The following RASGEF1C variants were observed in gnomAD, a reference collection of about 807,000 sequenced individuals.
RASGEF1C encodes ras-GEF domain-containing family member 1C.
Under a neutral mutation model 58.1 loss-of-function variants are expected in RASGEF1C, and 27 were observed. The observed-to-expected ratio is 0.46, with a 90% CI of 0.34 to 0.64. The LOEUF is 0.64. Among genes scored for constraint, RASGEF1C ranks in the 30% least tolerant of loss-of-function variants. RASGEF1C has a pLI of 0.01. For missense variants in RASGEF1C, 502 were observed against 605.1 expected (o/e 0.83, Z 1.79); for synonymous variants, 243 against 246.3 (o/e 0.99, Z 0.13).
intron 1 of RASGEF1C, among the ~76,000 whole-genome samples, chr5:180,140,276 T>C (rs1227651068): frequency 2.0e-5 from 3 of 152,198 alleles, no homozygotes; most frequent in African/African-American, 7.2e-5. Flanking sequence ...ACCCATCGTA[T>C]CACCAGCTGG....
chr5:180,149,701 G>T (rs568965932), intron 1 of RASGEF1C, among the ~76,000 whole-genome samples: 1 of 151,758 alleles, frequency 6.6e-6, no homozygotes, highest in African/African-American at 2.4e-5. Context: ...CGATCCACCC[G>T]CCTCGGCCTC....
At chr5:180,140,988 C>T (rs1194709515) in intron 1 of RASGEF1C, among the ~76,000 whole-genome samples, 5 of 152,198 alleles carry the variant, frequency 3.3e-5, no homozygotes, top group African/African-American at 7.2e-5. Flanking sequence ...CAGAGCATCA[C>T]GTTCCTTGTG....
At position 180,198,344 on chromosome 5, in the gene RASGEF1C, C is replaced by T. The variant is rs1465035452; in HGVS notation, c.-7+10684G>A. ...GGACGCCTGCCTTGGCCAGCTCTGG[C>T]GTTGAGAGCCCCATCTGGTGTCTGA... On this transcript the variant is annotated intron_variant, in intron 1 of 13. Coordinates refer to ENST00000361132, the MANE Select transcript of RASGEF1C (RefSeq NM_175062.4). This position sits in a 1 kb window ranked among gnomAD's most constrained non-coding sequence, Gnocchi z 4.5. 6.6e-6 allele frequency among the ~76,000 whole-genome samples: 1 copy of T among 152,196 alleles called. No homozygotes were observed. The highest frequency in any genetic ancestry group is 1.5e-5 in the Non-Finnish European group (1 of 68,036).
At chr5:180,175,845 G>A (rs1032676719) in intron 1 of RASGEF1C, among the ~76,000 whole-genome samples, 3 of 152,274 alleles carry the variant, frequency 2.0e-5, no homozygotes, top group Non-Finnish European at 2.9e-5. Flanking sequence ...AAAATTAGCC[G>A]GGCGCAGTGG....
chr5:180,188,616 G>C (rs1197796638), intron 1 of RASGEF1C, among the ~76,000 whole-genome samples: 2 of 152,090 alleles, frequency 1.3e-5, no homozygotes, highest in Non-Finnish European at 2.9e-5. Flanking sequence ...AGTGAAAATT[G>C]GAATACTTTC....
At chr5:180,136,302 G>C in intron 4 of RASGEF1C, 76 bp downstream of exon 4, 1 of 1,406,672 alleles carries the variant, frequency 7.1e-7, no homozygotes. Context: ...GAGGGCCCTG[G>C]GGTGCGGGCC....
At chr5:180,167,774 G>A (rs75750251) in intron 1 of RASGEF1C, among the ~76,000 whole-genome samples, 5,001 of 152,272 alleles carry the variant, frequency 0.033, 125 homozygotes, top group South Asian at 0.1. Context: ...TTCTTCACAG[G>A]TTAAGTAATT....
intron 6 of RASGEF1C, among the ~76,000 whole-genome samples, chr5:180,126,255 A>AC (rs1257871230): frequency 6.6e-6 from 1 of 152,048 alleles, no homozygotes; most frequent in Non-Finnish European, 1.5e-5. Flanking sequence ...AAAATACAAA[A>AC]AATTAGCCGG....
chr5:180,195,605 A>C (rs1189469018), intron 1 of RASGEF1C, among the ~76,000 whole-genome samples: 2 of 151,482 alleles, frequency 1.3e-5, no homozygotes, highest in Non-Finnish European at 2.9e-5. Context: ...CTAAAAATAC[A>C]AAAAAAATTA....
At chr5:180,166,090 C>T (rs891661394) in intron 1 of RASGEF1C, among the ~76,000 whole-genome samples, 1 of 152,016 alleles carries the variant, frequency 6.6e-6, no homozygotes, top group African/African-American at 2.4e-5. Flanking sequence ...ATGGTTTGCA[C>T]TAGAGATTAC....
chr5:180,190,314 C>T (rs376571573), intron 1 of RASGEF1C, among the ~76,000 whole-genome samples: 18 of 151,842 alleles, frequency 1.2e-4, no homozygotes, highest in African/African-American at 3.1e-4. Flanking sequence ...GGTGAAACCC[C>T]GTCTCTACTA....
intron 1 of RASGEF1C, among the ~76,000 whole-genome samples, chr5:180,187,738 T>C (rs1756065612): frequency 6.6e-6 from 1 of 152,084 alleles, no homozygotes. Context: ...CCAAGAAGAA[T>C]ATAAAAAGAT....
At chr5:180,159,209 G>A (rs1300062315) in intron 1 of RASGEF1C, among the ~76,000 whole-genome samples, 2 of 150,460 alleles carry the variant, frequency 1.3e-5, no homozygotes, top group South Asian at 2.1e-4. Flanking sequence ...GCGCGATCTC[G>A]GCTCACTGCA....
chr5:180,173,780 G>GCAC (rs1491191215), intron 1 of RASGEF1C, among the ~76,000 whole-genome samples: 1 of 152,116 alleles, frequency 6.6e-6, no homozygotes, highest in Admixed American at 6.5e-5. Flanking sequence ...GGGCGTGGTG[G>GCAC]TGGGCGCCTG....
At chr5:180,167,288 ATAAT>A (rs1311335084) in intron 1 of RASGEF1C, among the ~76,000 whole-genome samples, 3 of 152,066 alleles carry the variant, frequency 2.0e-5, no homozygotes, top group Non-Finnish European at 4.4e-5. Flanking sequence ...TTCAGATTGG[ATAAT>A]TTCTGTGGAA....
At position 180,119,408 on chromosome 5, in the gene RASGEF1C, A is replaced by C; in HGVS notation, c.845T>G (p.Phe282Cys). ...GAAGCACTCGCGGGCCACGTCGATG[A>C]AGAACTCAATCACCTGGGCCCTCTG... ...KKQRAQVIEF[F>C]IDVARECFNI... Residue 282 changes from phenylalanine (F) to cysteine (C), a missense_variant, in exon 8 of 14, where the codon TTC (phenylalanine) becomes TGC (cysteine). Transcript: ENST00000361132. 6.2e-7 allele frequency: 1 copy of C among 1,614,156 alleles called. No individual in the cohort carries two copies. The highest frequency in any genetic ancestry group is 8.5e-7 in the Non-Finnish European group (1 of 1,179,996).
chr5:180,174,635 T>G (rs1767192595), intron 1 of RASGEF1C, among the ~76,000 whole-genome samples: 3 of 151,492 alleles, frequency 2.0e-5, no homozygotes, highest in South Asian at 2.1e-4. Context: ...TGTGTGTGTG[T>G]GTGCGTGCAT....
intron 7 of RASGEF1C, among the ~76,000 whole-genome samples, chr5:180,120,119 C>T (rs149436082): frequency 0.013 from 1,998 of 152,294 alleles, 31 homozygotes; most frequent in Non-Finnish European, 0.019. Flanking sequence ...CCACACAGGT[C>T]GGTGTTGCTT....
chr5:180,173,844 C>T (rs939519598), intron 1 of RASGEF1C, among the ~76,000 whole-genome samples: 11 of 149,984 alleles, frequency 7.3e-5, no homozygotes, highest in South Asian at 2.1e-4. Context: ...GCCCGGGAGG[C>T]GGAGTTTGCA....
Sources: allele counts gnomAD v4.1 joint callset (sites outside exome capture counted in the v4.1 genomes callset), GRCh38; gene constraint gnomAD v4.1.1; non-coding constraint Gnocchi (gnomAD v3.1); transcripts MANE v1.5; gene names NCBI Gene and HGNC (gene_info 2026-07-23, HGNC 2026-07-21).